Variants in EYS observed in about 807,000 individuals in gnomAD.
The protein encoded by EYS is protein eyes shut homolog.
Under a neutral mutation model 282.1 loss-of-function variants are expected in EYS, and 250 were observed. That is an observed-to-expected ratio of 0.89 (90% confidence interval 0.80 to 0.98). The LOEUF is 0.98. Ranked by LOEUF, EYS falls within the 50% of genes least tolerant of loss-of-function variation. The pLI is 0.00. For synonymous variants in EYS, 1,355 were observed against 1,282.9 expected (o/e 1.06, Z -1.20); for missense variants, 4,016 against 3,709.0 (o/e 1.08, Z -2.15).
At chr6:64,185,770 A>G (rs1764918690) in intron 31 of EYS, among the ~76,000 whole-genome samples, 1 of 152,158 alleles carries the variant, frequency 6.6e-6, no homozygotes, top group Admixed American at 6.6e-5. Flanking sequence ...AACCTTATGA[A>G]AATAATTGTC....
intron 28 of EYS, among the ~76,000 whole-genome samples, chr6:64,407,507 A>G (rs992726317): frequency 2.6e-5 from 4 of 152,180 alleles, no homozygotes; most frequent in African/African-American, 9.7e-5. Flanking sequence ...ATTTATGGCA[A>G]AACAGAGGTG....
At chr6:65,333,852 C>G (rs1446876095) in intron 11 of EYS, among the ~76,000 whole-genome samples, 1 of 151,300 alleles carries the variant, frequency 6.6e-6, no homozygotes, top group Admixed American at 6.6e-5. Flanking sequence ...CTCTTAAAAT[C>G]TATTTTTTCC....
intron 14 of EYS, among the ~76,000 whole-genome samples, chr6:64,995,061 C>A (rs1771202664): frequency 6.6e-6 from 1 of 152,082 alleles, no homozygotes. Flanking sequence ...TGCTTGCAAC[C>A]CTTTTTTTGT....
intron 12 of EYS, among the ~76,000 whole-genome samples, chr6:65,075,890 C>T (rs1280197138): frequency 6.6e-6 from 1 of 151,888 alleles, no homozygotes; most frequent in African/African-American, 2.4e-5. Flanking sequence ...CAGGCAACTA[C>T]AGTAAAATCT....
At chr6:64,854,519 A>C (rs946786561) in intron 19 of EYS, among the ~76,000 whole-genome samples, 7 of 145,980 alleles carry the variant, frequency 4.8e-5, no homozygotes, top group African/African-American at 1.8e-4. Flanking sequence ...GCATGTTCTC[A>C]CTCATAGGTG....
chr6:63,791,649 G>T (rs1204522062), intron 37 of EYS, among the ~76,000 whole-genome samples: 1 of 151,952 alleles, frequency 6.6e-6, no homozygotes, highest in Non-Finnish European at 1.5e-5. Flanking sequence ...CCTGTGGCAG[G>T]AAAGGAAACT....
At chr6:65,207,150 A>C (rs1277330719) in intron 12 of EYS, among the ~76,000 whole-genome samples, 4 of 151,796 alleles carry the variant, frequency 2.6e-5, no homozygotes, top group Non-Finnish European at 5.9e-5. Flanking sequence ...GTAGTACTAG[A>C]GTTGATACAT....
At chr6:64,862,647 C>T (rs901465663) in intron 19 of EYS, among the ~76,000 whole-genome samples, 2 of 152,026 alleles carry the variant, frequency 1.3e-5, no homozygotes, top group African/African-American at 4.8e-5. Context: ...GATTACTCCT[C>T]CTCTGTGCAA....
chr6:64,155,457 C>T (rs571989505), intron 31 of EYS, among the ~76,000 whole-genome samples: 77 of 151,932 alleles, frequency 5.1e-4, no homozygotes, highest in Admixed American at 1.4e-3. Flanking sequence ...ATTTTCAGCA[C>T]CAGGCTCTGT....
chr6:65,671,575 T>C (rs1768391935), intron 1 of EYS, among the ~76,000 whole-genome samples: 2 of 152,038 alleles, frequency 1.3e-5, no homozygotes, highest in South Asian at 4.1e-4. Flanking sequence ...CAGGGTGAAG[T>C]AAGGAAGATG....
At chr6:64,118,197 A>G (rs1773454986) in intron 31 of EYS, among the ~76,000 whole-genome samples, 1 of 152,114 alleles carries the variant, frequency 6.6e-6, no homozygotes. Context: ...AACTATGCTG[A>G]AAATTTGTAT....
intron 12 of EYS, among the ~76,000 whole-genome samples, chr6:65,065,075 T>A (rs1450844563): frequency 6.6e-6 from 1 of 152,156 alleles, no homozygotes; most frequent in Non-Finnish European, 1.5e-5. Flanking sequence ...CTAGGCCTCT[T>A]TCTTTGTGAC....
At chr6:65,421,255 G>A (rs1372253371) in intron 5 of EYS, among the ~76,000 whole-genome samples, 2 of 151,554 alleles carry the variant, frequency 1.3e-5, no homozygotes, top group East Asian at 3.9e-4. Context: ...AGCTAGATCA[G>A]GAATTCCTGC....
intron 13 of EYS, among the ~76,000 whole-genome samples, chr6:65,027,704 T>G (rs747749409): frequency 3.3e-5 from 5 of 152,200 alleles, no homozygotes; most frequent in Non-Finnish European, 7.3e-5. Flanking sequence ...AAAATGCACT[T>G]AAGACTTATC....
At chr6:64,167,116 G>A (rs1764313773) in intron 31 of EYS, among the ~76,000 whole-genome samples, 1 of 152,102 alleles carries the variant, frequency 6.6e-6, no homozygotes, top group Non-Finnish European at 1.5e-5. Context: ...TCATTTAGAT[G>A]CTCTAAATCT....
At chr6:63,723,294 A>G (rs1309469238) in intron 42 of EYS, among the ~76,000 whole-genome samples, 2 of 152,172 alleles carry the variant, frequency 1.3e-5, no homozygotes, top group Admixed American at 1.3e-4. Context: ...TCAGATTAGG[A>G]AAGAAAAAAT....
At chr6:64,350,461 GAT>G (rs35466407) in intron 29 of EYS, among the ~76,000 whole-genome samples, 100,146 of 151,008 alleles carry the variant, frequency 0.66, 33,346 homozygotes, top group South Asian at 0.71. Flanking sequence ...AAATAATTTT[GAT>G]AGCATTTTCC....
chr6:64,646,806 A>G (rs910151433), intron 22 of EYS, among the ~76,000 whole-genome samples: 5 of 151,898 alleles, frequency 3.3e-5, no homozygotes, highest in Middle Eastern at 6.8e-3. Flanking sequence ...CTCCAGCTAA[A>G]AGAAAAAAAA....
chr6:64,233,765 CA>C (rs1324807794), intron 30 of EYS, among the ~76,000 whole-genome samples: 1 of 152,134 alleles, frequency 6.6e-6, no homozygotes, highest in Non-Finnish European at 1.5e-5. Flanking sequence ...TCAATGGATT[CA>C]AAACCAAACT....
Sources: allele counts gnomAD v4.1 joint callset (sites outside exome capture counted in the v4.1 genomes callset), GRCh38; gene constraint gnomAD v4.1.1; transcripts MANE v1.5; gene names NCBI Gene and HGNC (gene_info 2026-07-23, HGNC 2026-07-21).